Variants in RSRC1 observed in about 807,000 individuals in gnomAD.
RSRC1 encodes the protein arginine and serine rich coiled-coil 1, also known as serine/Arginine-related protein 53.
Under a neutral mutation model 49.1 loss-of-function variants are expected in RSRC1, and 39 were observed. The observed-to-expected ratio is 0.79, with a 90% CI of 0.61 to 1.04. RSRC1 has a LOEUF of 1.04. Among genes scored for constraint, RSRC1 ranks in the 50% least tolerant of loss-of-function variants. RSRC1 has a pLI of 0.00. For synonymous variants in RSRC1, 143 were observed against 130.8 expected (o/e 1.09, Z -0.63); for missense variants, 388 against 402.4 (o/e 0.96, Z 0.31).
intron 6 of RSRC1, among the ~76,000 whole-genome samples, chr3:158,379,729 CTCTTGCCTCCT>C (rs201111465): frequency 0.014 from 2,097 of 151,948 alleles, 23 homozygotes; most frequent in Non-Finnish European, 0.022. Flanking sequence ...CTAGCTTACT[CTCTTGCCTCCT>C]TCAGGTCATT....
chr3:158,304,074 T>A (rs1026382550), intron 5 of RSRC1, among the ~76,000 whole-genome samples: 8 of 152,216 alleles, frequency 5.3e-5, no homozygotes, highest in African/African-American at 1.9e-4. Context: ...CTCATTTATG[T>A]TTCTTATATT....
At position 158,228,874 on chromosome 3, in the gene RSRC1, A is replaced by AACACATACGTGTAATGTGTATATAAAC. The variant is rs1559951921; in HGVS notation, c.494+25643_494+25669dup. ...ACACATACGTGTATATATGTATATAAACACATACGTGTAATGTGTATATAA... is the reference window on the plus strand; with the variant it reads ...ACACATACGTGTATATATGTATATAAACACATACGTGTAATGTGTATATAAACACACATACGTGTAATGTGTATATAA... On this transcript the variant is annotated intron_variant, in intron 4 of 9. Coordinates refer to ENST00000611884, the MANE Select transcript of RSRC1 (RefSeq NM_001271838.2). Among the ~76,000 whole-genome samples the AACACATACGTGTAATGTGTATATAAAC allele has an allele frequency of 1.8e-4, 4 of 22,462 alleles. 2 individuals carry two copies. Among genetic ancestry groups the AACACATACGTGTAATGTGTATATAAAC allele is most frequent in the Non-Finnish European group, 3.3e-4 (4 of 12,122 alleles). 14.7% of individuals were successfully genotyped at this position (22,462 alleles called of 152,430 possible). A position where few individuals can be genotyped will look rare whatever the true frequency, so the allele number is the denominator to read the frequency against.
At chr3:158,290,058 ATT>A (rs200645147) in intron 4 of RSRC1, among the ~76,000 whole-genome samples, 1 of 148,988 alleles carries the variant, frequency 6.7e-6, no homozygotes, top group Admixed American at 6.7e-5. Context: ...TTATATGAAG[ATT>A]TTTTTTTTTA....
chr3:158,335,290 G>C (rs1729821533), intron 5 of RSRC1, among the ~76,000 whole-genome samples: 1 of 152,128 alleles, frequency 6.6e-6, no homozygotes, highest in Admixed American at 6.5e-5. Flanking sequence ...TTATAACTAA[G>C]AATGACCGGA....
chr3:158,202,562 T>TTATATATATATATATATATA lies in RSRC1; in HGVS notation c.321-491_321-490insATATATATATATATATATAT, dbSNP rs56789942. ...TCTGTAGGGTTGTCAGTCTGGTAGA[T>TTATATATATATATATATATA]TATATATATATATATATATGTTTTA... On this transcript the variant is annotated intron_variant, in intron 3 of 9. Transcript: ENST00000611884. Among the ~76,000 whole-genome samples the TTATATATATATATATATATA allele has an allele frequency of 5.1e-4, 47 of 91,992 alleles. 2 individuals carry two copies. The highest frequency in any genetic ancestry group is 2.1e-3 in the African/African-American group (39 of 18,918). 60.4% of individuals were successfully genotyped at this position (91,992 alleles called of 152,430 possible).
At chr3:158,222,443 A>T (rs552254469) in intron 4 of RSRC1, among the ~76,000 whole-genome samples, 1 of 151,652 alleles carries the variant, frequency 6.6e-6, no homozygotes, top group South Asian at 2.1e-4. Flanking sequence ...GGTAGTGTGT[A>T]TATTAGCCCA....
intron 5 of RSRC1, among the ~76,000 whole-genome samples, chr3:158,344,899 C>T (rs556689852): frequency 6.6e-6 from 1 of 152,058 alleles, no homozygotes; most frequent in South Asian, 2.1e-4. Context: ...AATAAGCCAA[C>T]AAGGAATATA....
intron 3 of RSRC1, among the ~76,000 whole-genome samples, chr3:158,155,885 C>A (rs997402462): frequency 1.3e-5 from 2 of 152,168 alleles, no homozygotes; most frequent in African/African-American, 4.8e-5. Context: ...GTAGATTTAG[C>A]ATAATTCTTA....
intron 5 of RSRC1, among the ~76,000 whole-genome samples, chr3:158,317,411 G>A (rs1343119655): frequency 6.6e-6 from 1 of 151,872 alleles, no homozygotes; most frequent in East Asian, 1.9e-4. Flanking sequence ...GTATTTTTTT[G>A]TAGATTCAGG....
In RSRC1 at chr3:158,214,452, AT is replaced by A. The variant is rs560905731; in HGVS notation, c.494+11215del. ...ATTTTATTGATTTCTGTTCTTTATT[AT>A]TTTTTTTCTCCTTCTTTGAGTTTAT... is the stretch of plus-strand genomic sequence containing the variant. On this transcript the variant is annotated intron_variant, in intron 4 of 9. Transcript: ENST00000611884. Among the ~76,000 whole-genome samples the A allele has an allele frequency of 1.4e-3, 217 of 150,454 alleles. 2 individuals carry two copies. Among genetic ancestry groups the A allele is most frequent in the South Asian group, 0.013 (63 of 4,738 alleles).
At chr3:158,440,601 T>C (rs1016829532) in intron 6 of RSRC1, among the ~76,000 whole-genome samples, 1 of 152,080 alleles carries the variant, frequency 6.6e-6, no homozygotes, top group Non-Finnish European at 1.5e-5. Context: ...CATGCACGTG[T>C]GCACACACAC....
chr3:158,132,269 T>A (rs776818944), intron 3 of RSRC1: 1 of 263,068 alleles, frequency 3.8e-6, no homozygotes, highest in Non-Finnish European at 8.4e-6. Flanking sequence ...TACAGGTATG[T>A]GCCACCCTAC....
chr3:158,364,026 G>A (rs550333127), intron 6 of RSRC1, among the ~76,000 whole-genome samples: 1 of 152,214 alleles, frequency 6.6e-6, no homozygotes, highest in East Asian at 1.9e-4. Context: ...TTTTTCTGCA[G>A]CCTGTTAAAC....
chr3:158,120,109 G>A (rs907116525), intron 1 of RSRC1, among the ~76,000 whole-genome samples: 40 of 152,128 alleles, frequency 2.6e-4, no homozygotes, highest in Non-Finnish European at 2.5e-4. Flanking sequence ...GATTACAGGC[G>A]TGAGCCACTG....
chr3:158,253,900 T>C (rs1288300268), intron 4 of RSRC1, among the ~76,000 whole-genome samples: 2 of 152,200 alleles, frequency 1.3e-5, no homozygotes, highest in Non-Finnish European at 2.9e-5. Flanking sequence ...TTTCTCCTAA[T>C]GCTATCCCTC....
intron 4 of RSRC1, among the ~76,000 whole-genome samples, chr3:158,287,172 G>C (rs529926001): frequency 1.1e-4 from 16 of 152,182 alleles, no homozygotes; most frequent in African/African-American, 3.6e-4. Context: ...ATATATTTAT[G>C]ACCTTCTATT....
intron 5 of RSRC1, among the ~76,000 whole-genome samples, chr3:158,321,178 A>G (rs1366932116): frequency 6.6e-6 from 1 of 150,584 alleles, no homozygotes; most frequent in Non-Finnish European, 1.5e-5. Context: ...CCTCACCCTC[A>G]ACCTCTCTTT....
At chr3:158,398,732 C>T (rs557054854) in intron 6 of RSRC1, among the ~76,000 whole-genome samples, 1 of 152,228 alleles carries the variant, frequency 6.6e-6, no homozygotes, top group Non-Finnish European at 1.5e-5. Context: ...TCCATTGTTA[C>T]TACGACCTAA....
chr3:158,267,862 T>G (rs1324890524), intron 4 of RSRC1, among the ~76,000 whole-genome samples: 5 of 85,938 alleles, frequency 5.8e-5, no homozygotes, highest in Non-Finnish European at 5.9e-5. Flanking sequence ...CCATATCTAT[T>G]TTTTTTTTTT....
Sources: gnomAD v4.1 joint callset for allele counts (sites outside exome capture counted in the v4.1 genomes callset) on GRCh38, gnomAD v4.1.1 for gene constraint, MANE v1.5 for transcripts, NCBI Gene and HGNC (gene_info 2026-07-23, HGNC 2026-07-21) for gene names.